Variants in ADGRE3 observed in about 807,000 individuals in gnomAD.
The protein encoded by ADGRE3 is EGF-like module receptor 3.
Under a neutral mutation model 80.1 loss-of-function variants are expected in ADGRE3, and 88 were observed. The ratio of observed to expected loss-of-function variants is 1.10; its 90% confidence interval spans 0.93 to 1.31. ADGRE3 has a LOEUF of 1.31. ADGRE3 is among the 40% of genes most tolerant of loss of function. ADGRE3 has a pLI of 0.00. For synonymous variants in ADGRE3, 281 were observed against 294.8 expected, an observed-to-expected ratio of 0.95 and a Z score of 0.48; for missense variants, 715 against 776.5, an observed-to-expected ratio of 0.92 and a Z score of 0.94.
downstream of ADGRE3, among the ~76,000 whole-genome samples, chr19:14,617,398 C>CTTTCTTTCTTTCT (rs1415032512): frequency 8.4e-5 from 4 of 47,344 alleles, no homozygotes; most frequent in Admixed American, 8.6e-4. Flanking sequence ...TTCTTTCTTT[C>CTTTCTTTCTTTCT]TTTTCTTTCT....
chr19:14,669,342 A>T (rs1972189766), intron 1 of ADGRE3, among the ~76,000 whole-genome samples: 1 of 152,150 alleles, frequency 6.6e-6, no homozygotes, highest in African/African-American at 2.4e-5. Context: ...GTTCTCACTT[A>T]TATGTGGGAG....
intron 15 of ADGRE3, among the ~76,000 whole-genome samples, chr19:14,620,471 T>TTCTTG (rs1970526472): frequency 8.3e-6 from 1 of 121,160 alleles, no homozygotes; most frequent in Non-Finnish European, 1.7e-5. Context: ...TATGAATATA[T>TTCTTG]TATGAGTACA....
intron 1 of ADGRE3, among the ~76,000 whole-genome samples, chr19:14,671,745 C>T (rs1395482636): frequency 6.6e-6 from 1 of 152,062 alleles, no homozygotes; most frequent in Non-Finnish European, 1.5e-5. Context: ...TAATGTCAGG[C>T]TGATGTTTCC....
chr19:14,636,909 C>T (rs1165416584), intron 11 of ADGRE3, among the ~76,000 whole-genome samples: 1 of 152,072 alleles, frequency 6.6e-6, no homozygotes, highest in African/African-American at 2.4e-5. Context: ...GCCTGGTCAA[C>T]ATGGTGAAAC....
downstream of ADGRE3, among the ~76,000 whole-genome samples, chr19:14,617,395 T>TTTCTTTCTTTC (rs1421090464): frequency 7.0e-6 from 1 of 143,760 alleles, no homozygotes; most frequent in Non-Finnish European, 1.5e-5. Flanking sequence ...TCTTTCTTTC[T>TTTCTTTCTTTC]TTCTTTTCTT....
intron 6 of ADGRE3, 24 bp from the exon 7 acceptor site, chr19:14,651,228 G>A: frequency 6.2e-7 from 1 of 1,613,690 alleles, no homozygotes; most frequent in East Asian, 2.2e-5. Flanking sequence ...CAATGGGCAG[G>A]CTTAGTGATA....
intron 3 of ADGRE3, among the ~76,000 whole-genome samples, chr19:14,662,994 G>T (rs1432249922): frequency 6.6e-6 from 1 of 151,648 alleles, no homozygotes; most frequent in Admixed American, 6.6e-5. Context: ...AGGAGTTGGA[G>T]GCTGCAGTGA....
At chr19:14,639,111 C>T (rs1400087867) in intron 10 of ADGRE3, among the ~76,000 whole-genome samples, 1 of 152,028 alleles carries the variant, frequency 6.6e-6, no homozygotes, top group East Asian at 1.9e-4. Flanking sequence ...AGGCCAGTCT[C>T]CAACTCCTGG....
intron 6 of ADGRE3, 62 bp from the exon 7 acceptor site, chr19:14,651,266 G>A: frequency 1.9e-6 from 3 of 1,583,376 alleles, no homozygotes; most frequent in Admixed American, 1.7e-5. Flanking sequence ...AATATGCATA[G>A]GAACAGGACA....
the ADGRE3 span, among the ~76,000 whole-genome samples, chr19:14,604,057 G>A: frequency 6.6e-6 from 1 of 152,122 alleles, no homozygotes; most frequent in Non-Finnish European, 1.5e-5. Flanking sequence ...CTGTTCTTGG[G>A]CACAAGAGAT....
In ADGRE3 at chr19:14,620,849, A is replaced by G. The variant is rs144968362; in HGVS notation, c.1921-1378T>C. On this transcript the variant is annotated intron_variant, in intron 15 of 15. Coordinates refer to ENST00000253673, the MANE Select transcript of ADGRE3 (RefSeq NM_032571.5). ...TTTCCCCTTCCAAAGATACACTCAT[A>G]TTATTCAATTTCCACAATGTTAAAC... 3.2e-3 allele frequency among the ~76,000 whole-genome samples: 478 copies of G among 151,584 alleles called. 1 individual carries two copies. Among genetic ancestry groups the G allele is most frequent in the South Asian group, 7.5e-3 (36 of 4,780 alleles).
At chr19:14,644,317 C>A in intron 8 of ADGRE3, 42 bp from the exon 9 acceptor site, 2 of 1,327,310 alleles carry the variant, frequency 1.5e-6, no homozygotes, top group Admixed American at 2.9e-5. Context: ...CTTTGTCTTT[C>A]TTTCTTTCTT....
At chr19:14,638,010 C>G (rs1971145328) in intron 11 of ADGRE3, 95 bp downstream of exon 11, 1 of 851,784 alleles carries the variant, frequency 1.2e-6, no homozygotes. Flanking sequence ...ACGTAGAGTG[C>G]ATTGGTTACG....
chr19:14,633,112 T>C, intron 12 of ADGRE3, 100 bp from the exon 13 acceptor site: 2 of 1,254,134 alleles, frequency 1.6e-6, no homozygotes, highest in Non-Finnish European at 2.3e-6. Flanking sequence ...TACATGGGAC[T>C]GAATTGGTAG....
At chr19:14,600,891 CTTTTTTTTTT>C in the ADGRE3 span, among the ~76,000 whole-genome samples, 301 of 63,206 alleles carry the variant, frequency 4.8e-3, 3 homozygotes, top group African/African-American at 0.017. Flanking sequence ...GCTCGGCCTT[CTTTTTTTTTT>C]TTTTTTTTTT....
Position 14,641,452 on chromosome 19 carries a change from GA to G in ADGRE3, c.1214del (p.Leu405ProfsTer47). 1.2e-6 allele frequency: 2 copies of G among 1,614,164 alleles called. No homozygotes were observed. The highest frequency in any genetic ancestry group is 1.7e-6 in the Non-Finnish European group (2 of 1,180,024). ...CAGTTCGATCAATCCCCACGAGGAA[GA>G]GGAGGTGGGCCAGGAAGAGGCAGAG... ...LSLCLFLAHL[L>X]FLVGIDRTEP... is the part of the protein sequence containing the mutation. On this transcript the variant is annotated frameshift_variant, in exon 10 of 16. Coordinates refer to ENST00000253673, the MANE Select transcript of ADGRE3 (RefSeq NM_032571.5). LOFTEE classifies it high-confidence loss of function.
intron 7 of ADGRE3, among the ~76,000 whole-genome samples, chr19:14,650,468 AT>A (rs1971561576): frequency 8.5e-6 from 1 of 117,494 alleles, no homozygotes; most frequent in Admixed American, 8.6e-5. Flanking sequence ...CTCTCTCCCC[AT>A]CTAATTCCAT....
intron 4 of ADGRE3, among the ~76,000 whole-genome samples, chr19:14,658,811 T>A (rs914545872): frequency 6.6e-6 from 1 of 152,106 alleles, no homozygotes; most frequent in African/African-American, 2.4e-5. Context: ...CTAGGCTCAC[T>A]GCAACCTTCA....
chr19:14,654,386 C>T (rs1345508226), intron 6 of ADGRE3, among the ~76,000 whole-genome samples: 1 of 151,846 alleles, frequency 6.6e-6, no homozygotes, highest in Non-Finnish European at 1.5e-5. Flanking sequence ...CCTCAGCCTC[C>T]CAAGTAGCTG....
Sources: allele counts gnomAD v4.1 joint callset (sites outside exome capture counted in the v4.1 genomes callset), GRCh38; gene constraint gnomAD v4.1.1; transcripts MANE v1.5; gene names NCBI Gene and HGNC (gene_info 2026-07-23, HGNC 2026-07-21).